CDK14: variants seen among roughly 807,000 people sequenced by gnomAD.
The protein encoded by CDK14 is cyclin-dependent kinase 14.
A neutral mutation model predicts 60.7 loss-of-function variants in CDK14; 34 were observed. The observed-to-expected ratio is 0.56, with a 90% confidence interval of 0.43 to 0.75. The LOEUF is 0.75. CDK14 is among the 30% of genes least tolerant of loss of function. The pLI, the probability that CDK14 is intolerant of heterozygous loss-of-function variation, is 0.00. For missense variants in CDK14, 482 were observed against 564.1 expected, an observed-to-expected ratio of 0.85 and a Z score of 1.47; for synonymous variants, 197 against 203.7, an observed-to-expected ratio of 0.97 and a Z score of 0.28.
intron 2 of CDK14, among the ~76,000 whole-genome samples, chr7:90,640,919 A>G (rs1482803175): frequency 6.6e-6 from 1 of 152,186 alleles, no homozygotes; most frequent in African/African-American, 2.4e-5. Flanking sequence ...CAACCCAATT[A>G]AAATTCTTGG....
intron 2 of CDK14, among the ~76,000 whole-genome samples, chr7:90,645,274 A>G (rs1800440045): frequency 6.6e-6 from 1 of 152,176 alleles, no homozygotes; most frequent in African/African-American, 2.4e-5. Flanking sequence ...TATTTTGATT[A>G]TGGAAACGGA....
chr7:90,882,669 C>G (rs1014065653), intron 6 of CDK14, among the ~76,000 whole-genome samples: 1 of 152,146 alleles, frequency 6.6e-6, no homozygotes, highest in African/African-American at 2.4e-5. Flanking sequence ...ATGGCACTTA[C>G]TCTAGAATCA....
At chr7:90,761,482 C>CA (rs1443080444) in intron 4 of CDK14, among the ~76,000 whole-genome samples, 1 of 152,124 alleles carries the variant, frequency 6.6e-6, no homozygotes, top group Admixed American at 6.5e-5. Flanking sequence ...AAAGCATACC[C>CA]ATGTTCCTGA....
chr7:90,673,293 G>T (rs369372989), intron 2 of CDK14, among the ~76,000 whole-genome samples: 1 of 152,192 alleles, frequency 6.6e-6, no homozygotes. Context: ...GTTAGGTGCC[G>T]TTATAAGGGT....
intron 12 of CDK14, among the ~76,000 whole-genome samples, chr7:91,081,118 T>C (rs947336849): frequency 3.3e-5 from 5 of 152,232 alleles, no homozygotes; most frequent in African/African-American, 7.2e-5. Context: ...TACTTTCTGG[T>C]ATTCCAGTAT....
At chr7:91,108,408 C>G (rs759799033) in intron 12 of CDK14, among the ~76,000 whole-genome samples, 2 of 152,206 alleles carry the variant, frequency 1.3e-5, no homozygotes. Flanking sequence ...GTTATGTGTT[C>G]TTGAAGTCTA....
chr7:90,687,326 C>T (rs1361098108), intron 2 of CDK14, among the ~76,000 whole-genome samples: 2 of 152,028 alleles, frequency 1.3e-5, no homozygotes, highest in Non-Finnish European at 2.9e-5. Context: ...AGTTAAGGGT[C>T]TATTTAGGGC....
intron 10 of CDK14, among the ~76,000 whole-genome samples, chr7:91,003,116 T>C (rs1364560762): frequency 6.6e-6 from 1 of 152,186 alleles, no homozygotes; most frequent in African/African-American, 2.4e-5. Context: ...GTCATAGCTC[T>C]TAATATATCA....
chr7:90,892,058 G>A (rs1289179495), intron 6 of CDK14, among the ~76,000 whole-genome samples: 2 of 152,178 alleles, frequency 1.3e-5, no homozygotes, highest in African/African-American at 4.8e-5. Flanking sequence ...TCCTATACTT[G>A]TTTCTGCCCT....
chr7:90,792,488 A>T (rs956959199), intron 5 of CDK14, among the ~76,000 whole-genome samples: 13 of 152,150 alleles, frequency 8.5e-5, no homozygotes, highest in African/African-American at 3.1e-4. Flanking sequence ...GACTTAACAC[A>T]TCTGAATGGA....
chr7:90,693,594 G>A (rs1028972057), intron 2 of CDK14, among the ~76,000 whole-genome samples: 1 of 152,136 alleles, frequency 6.6e-6, no homozygotes, highest in Non-Finnish European at 1.5e-5. Context: ...GAACTAATTT[G>A]TACTACCGAG....
At chr7:91,132,404 C>T (rs754812891) in intron 14 of CDK14, among the ~76,000 whole-genome samples, 16 of 152,010 alleles carry the variant, frequency 1.1e-4, no homozygotes, top group Admixed American at 2.0e-4. Flanking sequence ...AGTGAGAAGA[C>T]ACGCGCAGAG....
intron 12 of CDK14, among the ~76,000 whole-genome samples, chr7:91,090,306 G>A (rs1009261634): frequency 4.6e-5 from 7 of 152,048 alleles, no homozygotes; most frequent in East Asian, 1.9e-4. Flanking sequence ...TAGAAGCTGC[G>A]TTACATATTT....
At chr7:90,703,131 A>G (rs1386645123) in intron 2 of CDK14, among the ~76,000 whole-genome samples, 1 of 151,894 alleles carries the variant, frequency 6.6e-6, no homozygotes, top group Non-Finnish European at 1.5e-5. Context: ...CTCTGTCCTC[A>G]ATGGCATTTT....
At chr7:90,958,524 G>A (rs899732801) in intron 9 of CDK14, among the ~76,000 whole-genome samples, 22 of 152,024 alleles carry the variant, frequency 1.4e-4, no homozygotes, top group African/African-American at 5.3e-4. Context: ...GGCTTTTTTG[G>A]GGGGATGGTT....
intron 2 of CDK14, among the ~76,000 whole-genome samples, chr7:90,725,041 CTTAG>C (rs1802586424): frequency 6.6e-6 from 1 of 152,090 alleles, no homozygotes; most frequent in Non-Finnish European, 1.5e-5. Flanking sequence ...TCTCATTTGA[CTTAG>C]TTAGAATTCA....
intron 6 of CDK14, among the ~76,000 whole-genome samples, chr7:90,889,885 G>A (rs536633245): frequency 2.0e-5 from 3 of 152,270 alleles, no homozygotes; most frequent in African/African-American, 7.2e-5. Context: ...GTCTTATGAT[G>A]CAACTTGAGG....
intron 14 of CDK14, among the ~76,000 whole-genome samples, chr7:91,136,126 A>G (rs531573961): frequency 6.6e-6 from 1 of 152,270 alleles, no homozygotes; most frequent in Admixed American, 6.5e-5. Context: ...ATGGAGGCAA[A>G]TTATTCTGGC....
chr7:91,073,458 A>AT (rs1163992343), intron 11 of CDK14, among the ~76,000 whole-genome samples: 1 of 152,114 alleles, frequency 6.6e-6, no homozygotes, highest in Admixed American at 6.6e-5. Flanking sequence ...ATGCTGAGGG[A>AT]TTTTTTCACC....
Sources: gnomAD v4.1 joint callset for allele counts (sites outside exome capture counted in the v4.1 genomes callset) on GRCh38, gnomAD v4.1.1 for gene constraint, MANE v1.5 for transcripts, NCBI Gene and HGNC (gene_info 2026-07-23, HGNC 2026-07-21) for gene names.